Variants in CCDC60 observed in about 807,000 individuals in gnomAD.
CCDC60 encodes the protein coiled-coil domain-containing protein 60.
In CCDC60, 54 loss-of-function variants were observed where a neutral mutation model predicts 63.5. That is an observed-to-expected ratio of 0.85 (90% CI 0.68 to 1.07). The LOEUF (loss-of-function observed/expected upper bound fraction) is 1.07, where lower values mean the gene tolerates loss of function less well. CCDC60 is among the 50% of genes least tolerant of loss of function. The pLI is 0.00. For missense variants in CCDC60, 651 were observed against 684.3 expected, an observed-to-expected ratio of 0.95 and a Z score of 0.54; for synonymous variants, 206 against 238.8, an observed-to-expected ratio of 0.86 and a Z score of 1.27.
chr12:119,475,363 G>C (rs963679527), intron 3 of CCDC60, among the ~76,000 whole-genome samples: 1 of 152,184 alleles, frequency 6.6e-6, no homozygotes. Flanking sequence ...CTCATCCATG[G>C]TCGTAGAACG....
At chr12:119,519,839 GGA>G (rs748120101) in intron 8 of CCDC60, among the ~76,000 whole-genome samples, 12,203 of 147,358 alleles carry the variant, frequency 0.083, 561 homozygotes, top group Middle Eastern at 0.11. Flanking sequence ...GGGAATTTTA[GGA>G]GAGAGAGAGA....
intron 5 of CCDC60, among the ~76,000 whole-genome samples, chr12:119,489,197 C>G (rs1310208262): frequency 6.6e-6 from 1 of 152,140 alleles, no homozygotes; most frequent in Non-Finnish European, 1.5e-5. Context: ...GGATCCACAG[C>G]TTGACTGCTC....
At chr12:119,426,857 C>A (rs1001706398) in intron 1 of CCDC60, among the ~76,000 whole-genome samples, 1 of 152,224 alleles carries the variant, frequency 6.6e-6, no homozygotes, top group Non-Finnish European at 1.5e-5. Flanking sequence ...AACTCTTCCA[C>A]AAGCATCATT....
intron 2 of CCDC60, among the ~76,000 whole-genome samples, chr12:119,437,010 T>G (rs1213332639): frequency 6.6e-6 from 1 of 152,214 alleles, no homozygotes; most frequent in Non-Finnish European, 1.5e-5. Context: ...GTAGGCTAGT[T>G]TGCCAACCAA....
intron 1 of CCDC60, among the ~76,000 whole-genome samples, chr12:119,425,925 G>A (rs1235359113): frequency 6.6e-6 from 1 of 152,218 alleles, no homozygotes; most frequent in Non-Finnish European, 1.5e-5. Context: ...CAAGATGCAA[G>A]TGCTGAGTGA....
intron 1 of CCDC60, among the ~76,000 whole-genome samples, chr12:119,372,655 G>A (rs1179083624): frequency 5.3e-5 from 8 of 152,156 alleles, no homozygotes; most frequent in African/African-American, 1.9e-4. Flanking sequence ...CCCACTCAGA[G>A]AGATATCTCG....
At chr12:119,370,427 G>A (rs1955885832) in intron 1 of CCDC60, among the ~76,000 whole-genome samples, 1 of 152,190 alleles carries the variant, frequency 6.6e-6, no homozygotes, top group Non-Finnish European at 1.5e-5. Flanking sequence ...GAAAAGAAGT[G>A]CCTCGCAAAG....
chr12:119,384,069 G>A (rs1444811406), intron 1 of CCDC60, among the ~76,000 whole-genome samples: 2 of 152,070 alleles, frequency 1.3e-5, no homozygotes, highest in South Asian at 2.1e-4. Flanking sequence ...GGTGGCGGGC[G>A]CCTATAGTTC....
chr12:119,379,837 A>T (rs536140829), intron 1 of CCDC60, among the ~76,000 whole-genome samples: 33 of 152,150 alleles, frequency 2.2e-4, no homozygotes, highest in Non-Finnish European at 4.6e-4. Context: ...AAGCCTCAAC[A>T]CCCTGCTTGG....
intron 1 of CCDC60, among the ~76,000 whole-genome samples, chr12:119,405,723 A>G (rs1291422240): frequency 1.3e-5 from 2 of 152,134 alleles, no homozygotes; most frequent in African/African-American, 2.4e-5. Context: ...TTTTACGTGT[A>G]TTTCTTAGTT....
intron 1 of CCDC60, among the ~76,000 whole-genome samples, chr12:119,365,817 G>A (rs1289131792): frequency 6.6e-6 from 1 of 152,184 alleles, no homozygotes; most frequent in East Asian, 1.9e-4. Context: ...ACCAGCGGAA[G>A]CTCTCTTTGA....
intron 1 of CCDC60, among the ~76,000 whole-genome samples, chr12:119,411,033 A>G (rs949343467): frequency 4.6e-5 from 7 of 152,166 alleles, no homozygotes; most frequent in Non-Finnish European, 7.4e-5. Context: ...GCGCCCGGCC[A>G]CATTTATTTT....
intron 13 of CCDC60, among the ~76,000 whole-genome samples, chr12:119,540,398 G>A (rs1180746659): frequency 6.6e-6 from 1 of 152,166 alleles, no homozygotes; most frequent in Non-Finnish European, 1.5e-5. Context: ...ACAAGAAGGG[G>A]CTTAACATTA....
chr12:119,373,055 G>C (rs1438664844), intron 1 of CCDC60, among the ~76,000 whole-genome samples: 1 of 152,110 alleles, frequency 6.6e-6, no homozygotes, highest in Non-Finnish European at 1.5e-5. Context: ...GTGAAAGTTT[G>C]AATTTTGGAA....
intron 2 of CCDC60, among the ~76,000 whole-genome samples, chr12:119,449,356 C>A (rs929216027): frequency 3.3e-5 from 5 of 152,142 alleles, no homozygotes; most frequent in African/African-American, 1.2e-4. Context: ...TTCATTTGAT[C>A]ACTTCTTCCA....
chr12:119,439,086 T>C (rs2136253609), intron 2 of CCDC60, among the ~76,000 whole-genome samples: 1 of 141,850 alleles, frequency 7.0e-6, no homozygotes, highest in South Asian at 2.2e-4. Flanking sequence ...CTCCTCATCA[T>C]TGAAGATGCA....
At chr12:119,540,563 A>T in intron 13 of CCDC60, 51 bp from the exon 14 acceptor site, 1 of 1,272,278 alleles carries the variant, frequency 7.9e-7, no homozygotes, top group Non-Finnish European at 1.1e-6. Flanking sequence ...GAGAAGGTGG[A>T]GTCTACTTTT....
chr12:119,431,350 G>A (rs1950224988), intron 2 of CCDC60, among the ~76,000 whole-genome samples: 1 of 152,204 alleles, frequency 6.6e-6, no homozygotes, highest in Admixed American at 6.5e-5. Context: ...GAAATCACAG[G>A]GAACTGAAGC....
rs543866311 is a variant in CCDC60, at chr12:119,352,354, C to T, written c.90+17088C>T. 3.9e-5 allele frequency among the ~76,000 whole-genome samples: 6 copies of T among 152,328 alleles called. No individual in the cohort carries two copies. The South Asian group carries it at 1.2e-3, about 32-fold the overall frequency. ...CTGCCTGTTAGTCTATCCTGTTATC[C>T]TACCATTTACTAAGGGTTCACTGTG... On this transcript the variant is annotated intron_variant, in intron 1 of 13. Coordinates refer to ENST00000327554, the MANE Select transcript of CCDC60 (RefSeq NM_178499.5).
Sources: gnomAD v4.1 joint callset for allele counts (sites outside exome capture counted in the v4.1 genomes callset) on GRCh38, gnomAD v4.1.1 for gene constraint, MANE v1.5 for transcripts, NCBI Gene and HGNC (gene_info 2026-07-23, HGNC 2026-07-21) for gene names.